CAP2: variants seen among roughly 807,000 people sequenced by gnomAD.
CAP2 encodes cyclase associated actin cytoskeleton regulatory protein 2, also known as adenylyl cyclase-associated protein 2.
Under a neutral mutation model 57.7 loss-of-function variants are expected in CAP2, and 24 were observed. The observed-to-expected ratio is 0.42, with a 90% CI of 0.30 to 0.58. CAP2 has a LOEUF of 0.58. CAP2 is among the 20% of genes least tolerant of loss of function. CAP2 has a pLI of 0.22. For synonymous variants in CAP2, 194 were observed against 207.2 expected, an observed-to-expected ratio of 0.94 and a Z score of 0.55; for missense variants, 501 against 590.3, an observed-to-expected ratio of 0.85 and a Z score of 1.57.
intron 1 of CAP2, among the ~76,000 whole-genome samples, chr6:17,394,200 A>G (rs1758614993): frequency 6.6e-6 from 1 of 151,928 alleles, no homozygotes; most frequent in South Asian, 2.1e-4. Flanking sequence ...GGCTCTGACC[A>G]GAGCCACCTC....
intron 7 of CAP2, among the ~76,000 whole-genome samples, chr6:17,517,811 G>C (rs1157651847): frequency 1.3e-5 from 2 of 152,152 alleles, no homozygotes; most frequent in African/African-American, 4.8e-5. Flanking sequence ...TGAGGCAAGA[G>C]AATCGCTTGA....
chr6:17,436,009 G>A (rs1759870957), intron 3 of CAP2, among the ~76,000 whole-genome samples: 1 of 152,192 alleles, frequency 6.6e-6, no homozygotes, highest in African/African-American at 2.4e-5. Flanking sequence ...GATAGATCCT[G>A]TGAGTCTCTA....
At chr6:17,528,537 G>C (rs1284388561) in intron 7 of CAP2, among the ~76,000 whole-genome samples, 7 of 152,156 alleles carry the variant, frequency 4.6e-5, no homozygotes, top group Admixed American at 2.0e-4. Context: ...AGGAGGGTGG[G>C]AGGAGTGGAG....
intron 7 of CAP2, among the ~76,000 whole-genome samples, chr6:17,519,147 C>T (rs910781009): frequency 6.6e-6 from 1 of 152,098 alleles, no homozygotes; most frequent in Non-Finnish European, 1.5e-5. Context: ...CCTGGACTGT[C>T]CAAGGGCACG....
At chr6:17,496,848 G>A (rs1340709883) in intron 4 of CAP2, among the ~76,000 whole-genome samples, 1 of 152,128 alleles carries the variant, frequency 6.6e-6, no homozygotes, top group Admixed American at 6.6e-5. Context: ...CATCATTTCA[G>A]CCACGTTCTA....
chr6:17,442,964 G>A (rs551965352), intron 3 of CAP2, among the ~76,000 whole-genome samples: 70 of 152,012 alleles, frequency 4.6e-4, no homozygotes, highest in Non-Finnish European at 8.4e-4. Context: ...GTAATCCACC[G>A]CCTCGACCTC....
chr6:17,480,764 G>T (rs866479807), intron 4 of CAP2, among the ~76,000 whole-genome samples: 8 of 144,764 alleles, frequency 5.5e-5, no homozygotes, highest in Non-Finnish European at 9.0e-5. Flanking sequence ...GCTAAATGTG[G>T]TTTTTTTGGT....
At chr6:17,406,629 T>G (rs1424370571) in intron 1 of CAP2, among the ~76,000 whole-genome samples, 1 of 151,886 alleles carries the variant, frequency 6.6e-6, no homozygotes, top group East Asian at 1.9e-4. Flanking sequence ...CCTGACTTCA[T>G]GATGTGCCTG....
chr6:17,424,224 C>G (rs1759520410), intron 2 of CAP2, among the ~76,000 whole-genome samples: 1 of 152,070 alleles, frequency 6.6e-6, no homozygotes. Flanking sequence ...CACGGTGAAA[C>G]TCCGTCTCTA....
chr6:17,438,259 G>A (rs956148697), intron 3 of CAP2, among the ~76,000 whole-genome samples: 11 of 149,646 alleles, frequency 7.4e-5, no homozygotes, highest in Middle Eastern at 3.5e-3. Flanking sequence ...CCAGCTACTC[G>A]GGAGGCTGAG....
chr6:17,530,607 C>T (rs1762617379), intron 7 of CAP2, among the ~76,000 whole-genome samples: 1 of 152,116 alleles, frequency 6.6e-6, no homozygotes, highest in Non-Finnish European at 1.5e-5. Context: ...AGGAAATACC[C>T]ATGAACAGTG....
intron 3 of CAP2, among the ~76,000 whole-genome samples, chr6:17,460,935 CA>C (rs1457299180): frequency 6.6e-6 from 1 of 152,092 alleles, no homozygotes. Context: ...ATCGCTTGAG[CA>C]CAAGAGTTTG....
At position 17,493,564 on chromosome 6, in the gene CAP2, C is replaced by G. The variant is rs574774906; in HGVS notation, c.301-13605C>G. On this transcript the variant is annotated intron_variant, in intron 4 of 12. Transcript: ENST00000229922. Reference sequence around the variant, plus strand: ...GAAACAATACAGAGCTCACCCCTGGCTGATTGAGGGCCAGAAGCGCCATTC... The same window carrying G: ...GAAACAATACAGAGCTCACCCCTGGGTGATTGAGGGCCAGAAGCGCCATTC... 1.2e-4 allele frequency: 24 copies of G among 193,866 alleles called. No homozygotes were observed. In the East Asian group the frequency reaches 2.9e-3, roughly 23 times the overall value. 12.0% of individuals were successfully genotyped at this position (193,866 alleles called of 1,614,324 possible). A position where few individuals can be genotyped will look rare whatever the true frequency, so the allele number is the denominator to read the frequency against.
intron 11 of CAP2, among the ~76,000 whole-genome samples, chr6:17,545,919 C>T (rs1232099457): frequency 6.6e-6 from 1 of 152,184 alleles, no homozygotes; most frequent in Non-Finnish European, 1.5e-5. Context: ...GTATGTGCCA[C>T]ATTTTCTTAA....
At chr6:17,491,245 A>G (rs1308009032) in intron 4 of CAP2, among the ~76,000 whole-genome samples, 1 of 151,820 alleles carries the variant, frequency 6.6e-6, no homozygotes, top group Non-Finnish European at 1.5e-5. Flanking sequence ...ATGTAAGTAA[A>G]TTGCCTGAGA....
At chr6:17,503,861 T>A (rs1761902789) in intron 4 of CAP2, among the ~76,000 whole-genome samples, 1 of 152,176 alleles carries the variant, frequency 6.6e-6, no homozygotes, top group African/African-American at 2.4e-5. Context: ...CATAAGCCCT[T>A]TGCTTTGTAG....
At chr6:17,547,702 G>T (rs910343432) in intron 11 of CAP2, among the ~76,000 whole-genome samples, 3 of 151,954 alleles carry the variant, frequency 2.0e-5, no homozygotes, top group Admixed American at 2.0e-4. Context: ...TAAACCAGGC[G>T]TGGTGGCGGG....
At chr6:17,402,920 A>T (rs1048624938) in intron 1 of CAP2, among the ~76,000 whole-genome samples, 36 of 152,220 alleles carry the variant, frequency 2.4e-4, no homozygotes, top group African/African-American at 8.4e-4. Context: ...GACAATTAAA[A>T]TAAGTTTTGA....
chr6:17,539,563 C>T, intron 8 of CAP2, 105 bp downstream of exon 8: 1 of 819,404 alleles, frequency 1.2e-6, no homozygotes, highest in Non-Finnish European at 1.9e-6. Flanking sequence ...TCCATCCCTG[C>T]CTCCAGCATG....
Sources: gnomAD v4.1 joint callset for allele counts (sites outside exome capture counted in the v4.1 genomes callset) on GRCh38, gnomAD v4.1.1 for gene constraint, MANE v1.5 for transcripts, NCBI Gene and HGNC (gene_info 2026-07-23, HGNC 2026-07-21) for gene names.